The following EDA variants were observed in gnomAD, a reference collection of about 807,000 sequenced individuals.
EDA encodes the protein ectodysplasin A, also known as ectodysplasin-A.
Under a neutral mutation model 23.6 loss-of-function variants are expected in EDA, and 2 were observed. The ratio of observed to expected loss-of-function variants is 0.08; its 90% CI spans 0.03 to 0.27. The LOEUF is 0.27. EDA is among the 10% of genes least tolerant of loss of function. EDA has a pLI of 1.00. For missense variants in EDA, 229 were observed against 324.2 expected (o/e 0.71, Z 2.26); for synonymous variants, 131 against 132.0 (o/e 0.99, Z 0.05).
At chrX:69,691,472 A>G (rs1276230537) in intron 1 of EDA, among the ~76,000 whole-genome samples, 3 of 111,809 alleles carry the variant, frequency 2.7e-5, no homozygotes, top group Non-Finnish European at 3.8e-5. Context: ...TTCTTCTACC[A>G]TATAATCAAG....
chrX:69,956,757 A>G (rs1296583111), intron 1 of EDA, among the ~76,000 whole-genome samples: 11 of 112,338 alleles, frequency 9.8e-5, no homozygotes, highest in Non-Finnish European at 1.9e-4. Flanking sequence ...CCAGAAATAT[A>G]TGAAGAAATG....
At chrX:69,936,709 C>T (rs1260650508) in intron 1 of EDA, among the ~76,000 whole-genome samples, 1 of 111,481 alleles carries the variant, frequency 9.0e-6, no homozygotes, top group Non-Finnish European at 1.9e-5. Flanking sequence ...TGATGGTCCA[C>T]AATCTCAAAT....
rs777498231 is a variant in EDA, at chrX:69,927,319, C to T, written c.397-29708C>T. Among the ~76,000 whole-genome samples, 23 of 111,694 alleles carry T rather than the reference C, an allele frequency of 2.1e-4. No individual in the cohort carries two copies. The South Asian group carries it at 8.6e-3, about 42-fold the overall frequency. ...TTTTTCCTTTCCATATTTAGTGCTTCTTTCAGGAGCTCTTGCAAGGCAGGC... is the reference window on the plus strand; with the variant it reads ...TTTTTCCTTTCCATATTTAGTGCTTTTTTCAGGAGCTCTTGCAAGGCAGGC... On this transcript the variant is annotated intron_variant, in intron 1 of 7. Transcript: ENST00000374552.
chrX:69,783,871 A>T (rs1390958659), intron 1 of EDA, among the ~76,000 whole-genome samples: 29 of 103,334 alleles, frequency 2.8e-4, no homozygotes, highest in Non-Finnish European at 1.6e-4. Context: ...CACCACACTG[A>T]CTTCCACAAT....
chrX:69,940,600 T>G (rs1161630102), intron 1 of EDA, among the ~76,000 whole-genome samples: 1 of 111,126 alleles, frequency 9.0e-6, no homozygotes, highest in African/African-American at 3.3e-5. Flanking sequence ...TTATTTCTTT[T>G]CTTCTAATTT....
At chrX:69,673,562 A>G (rs979463537) in intron 1 of EDA, among the ~76,000 whole-genome samples, 2 of 93,577 alleles carry the variant, frequency 2.1e-5, no homozygotes, top group Non-Finnish European at 4.1e-5. Flanking sequence ...AATACATCCT[A>G]CACCCAGGCA....
At chrX:69,689,881 C>G (rs1038292945) in intron 1 of EDA, among the ~76,000 whole-genome samples, 2 of 111,864 alleles carry the variant, frequency 1.8e-5, no homozygotes, top group Non-Finnish European at 3.8e-5. Flanking sequence ...TTCTACACAT[C>G]TTTTGTCAAA....
intron 1 of EDA, among the ~76,000 whole-genome samples, chrX:69,945,897 A>C (rs887667178): frequency 8.9e-6 from 1 of 112,038 alleles, no homozygotes; most frequent in Non-Finnish European, 1.9e-5. Flanking sequence ...ACAGCCACTG[A>C]AATAGTATTG....
intron 1 of EDA, among the ~76,000 whole-genome samples, chrX:69,811,597 C>G (rs182316447): frequency 9.0e-6 from 1 of 111,519 alleles, no homozygotes; most frequent in Non-Finnish European, 1.9e-5. Flanking sequence ...CTAACATCCT[C>G]CTCACGGTGC....
At chrX:69,733,315 A>G (rs2013114247) in intron 1 of EDA, among the ~76,000 whole-genome samples, 2 of 112,312 alleles carry the variant, frequency 1.8e-5, no homozygotes, top group Non-Finnish European at 3.8e-5. Flanking sequence ...AGGTTTCTAC[A>G]TATGGCTAGC....
At chrX:69,946,894 C>T (rs1158751403) in intron 1 of EDA, among the ~76,000 whole-genome samples, 1 of 112,120 alleles carries the variant, frequency 8.9e-6, no homozygotes, top group East Asian at 2.8e-4. Context: ...AGTCATAACG[C>T]TACTCTAACT....
chrX:69,735,003 C>G (rs887593275), intron 1 of EDA, among the ~76,000 whole-genome samples: 1 of 111,211 alleles, frequency 9.0e-6, no homozygotes, highest in Non-Finnish European at 1.9e-5. Flanking sequence ...CCCTATGATC[C>G]AGCAATCCCA....
intron 1 of EDA, among the ~76,000 whole-genome samples, chrX:69,812,346 C>G (rs751682053): frequency 8.9e-6 from 1 of 112,367 alleles, no homozygotes; most frequent in East Asian, 2.8e-4. Flanking sequence ...ATAAAGATTT[C>G]TTATCTGTCT....
At chrX:69,885,143 C>A (rs966798319) in intron 1 of EDA, among the ~76,000 whole-genome samples, 7 of 112,152 alleles carry the variant, frequency 6.2e-5, no homozygotes, top group Non-Finnish European at 1.3e-4. Context: ...CTATTCATAT[C>A]TTTTGCCCAA....
At chrX:69,729,217 T>C (rs1164849856) in intron 1 of EDA, 3 of 111,486 alleles carry the variant, frequency 2.7e-5, no homozygotes, top group Non-Finnish European at 5.7e-5. Flanking sequence ...CTCCCATACC[T>C]ATTCACCTAC....
intron 1 of EDA, among the ~76,000 whole-genome samples, chrX:69,894,104 T>C (rs1407888546): frequency 9.0e-6 from 1 of 111,692 alleles, no homozygotes; most frequent in Non-Finnish European, 1.9e-5. Context: ...AAGAAAGGGG[T>C]CCAGTTTCAA....
chrX:69,699,980 C>T (rs1004653563), intron 1 of EDA, among the ~76,000 whole-genome samples: 10 of 110,645 alleles, frequency 9.0e-5, no homozygotes, highest in African/African-American at 3.3e-4. Context: ...TTTGCAGAGG[C>T]AGGAGGGACT....
chrX:69,750,318 C>A (rs1397083267), intron 1 of EDA, among the ~76,000 whole-genome samples: 1 of 108,261 alleles, frequency 9.2e-6, no homozygotes, highest in Non-Finnish European at 1.9e-5. Context: ...TGATGGTTTC[C>A]AGCTTCATCC....
intron 2 of EDA, among the ~76,000 whole-genome samples, chrX:70,015,581 T>TA (rs954059867): frequency 1.8e-5 from 2 of 109,355 alleles, no homozygotes; most frequent in Admixed American, 9.7e-5. Context: ...TAAACAACAA[T>TA]AAAAAAAAGA....
Sources: gnomAD v4.1 joint callset for allele counts (sites outside exome capture counted in the v4.1 genomes callset) on GRCh38, gnomAD v4.1.1 for gene constraint, MANE v1.5 for transcripts, NCBI Gene and HGNC (gene_info 2026-07-23, HGNC 2026-07-21) for gene names.